The following MYO1D variants were observed in gnomAD, a reference collection of about 807,000 sequenced individuals.
The protein encoded by MYO1D is unconventional myosin-Id.
In MYO1D, 83 loss-of-function variants were observed where a neutral mutation model predicts 122.0. The ratio of observed to expected loss-of-function variants is 0.68; its 90% CI spans 0.57 to 0.82. MYO1D has a LOEUF of 0.82. MYO1D is among the 40% of genes least tolerant of loss of function. The pLI, the probability that MYO1D is intolerant of heterozygous loss-of-function variation, is 0.00. For synonymous variants in MYO1D, 464 were observed against 446.9 expected (o/e 1.04, Z -0.48); for missense variants, 1,157 against 1,269.5 (o/e 0.91, Z 1.35).
intron 21 of MYO1D, among the ~76,000 whole-genome samples, chr17:32,603,819 C>T (rs1026932241): frequency 2.0e-5 from 3 of 152,178 alleles, no homozygotes; most frequent in African/African-American, 4.8e-5. Context: ...GCCACTGCGC[C>T]TGGCCACATT....
chr17:32,728,306 C>T (rs1033998276), intron 14 of MYO1D, among the ~76,000 whole-genome samples: 1 of 151,634 alleles, frequency 6.6e-6, no homozygotes, highest in Non-Finnish European at 1.5e-5. Context: ...CCCGGGTTCA[C>T]GTGATTCTCC....
chr17:32,734,006 T>C (rs141824548), intron 14 of MYO1D, among the ~76,000 whole-genome samples: 6 of 152,344 alleles, frequency 3.9e-5, no homozygotes, highest in African/African-American at 1.4e-4. Flanking sequence ...TAAGGTAATA[T>C]TAATCTCATT....
intron 6 of MYO1D, 101 bp downstream of exon 6, chr17:32,771,024 T>G: frequency 1.3e-6 from 1 of 775,940 alleles, no homozygotes; most frequent in Non-Finnish European, 2.0e-6. Flanking sequence ...GAGATGTTTA[T>G]TTGCCTAAAG....
chr17:32,735,000 A>G (rs139687150), intron 14 of MYO1D: 2,998 of 151,270 alleles, frequency 0.02, 35 homozygotes, highest in Non-Finnish European at 0.032. Context: ...AATTGCTTGA[A>G]CCCAGGAGGC....
rs371362230 is a variant in MYO1D, at chr17:32,738,266, T to C, written c.1733A>G (p.Asn578Ser). Residue 578 changes from asparagine to serine, a missense_variant, in exon 14 of 22, where the codon AAC (asparagine) becomes AGC (serine). Transcript: ENST00000318217. Reference protein sequence around the residue: ...FKNSMIALVDNLASKEPYYVR... With the variant: ...FKNSMIALVDSLASKEPYYVR... ...GAAAATAATTACCTTTGATGCAAGG[T>C]TGTCTACTAGAGCAATCATAGAATT... 24 of 1,603,768 alleles carry C rather than the reference T, an allele frequency of 1.5e-5. No homozygotes were observed. The highest frequency in any genetic ancestry group is 2.3e-5 in the South Asian group (2 of 87,776).
At chr17:32,599,815 G>A (rs146693743) in intron 21 of MYO1D, among the ~76,000 whole-genome samples, 474 of 152,224 alleles carry the variant, frequency 3.1e-3, no homozygotes, top group African/African-American at 0.011. Flanking sequence ...ACCACGCCTG[G>A]CTAATTTTTG....
chr17:32,585,454 GCA>G (rs1273972945), intron 21 of MYO1D, among the ~76,000 whole-genome samples: 1 of 152,134 alleles, frequency 6.6e-6, no homozygotes, highest in Non-Finnish European at 1.5e-5. Context: ...GTCTGGCCAG[GCA>G]CAGTGGCTCA....
At chr17:32,676,497 G>A (rs977429942) in intron 16 of MYO1D, among the ~76,000 whole-genome samples, 2 of 151,880 alleles carry the variant, frequency 1.3e-5, no homozygotes, top group Non-Finnish European at 2.9e-5. Context: ...ATGGTTACTG[G>A]TTCAGGTCAA....
intron 1 of MYO1D, among the ~76,000 whole-genome samples, chr17:32,809,833 T>A (rs2090553876): frequency 6.6e-6 from 1 of 152,238 alleles, no homozygotes; most frequent in Admixed American, 6.5e-5. Flanking sequence ...TTTTGCATCA[T>A]CTTATTAGAA....
chr17:32,681,087 T>C (rs1442878468), intron 16 of MYO1D, among the ~76,000 whole-genome samples: 4 of 152,106 alleles, frequency 2.6e-5, no homozygotes, highest in African/African-American at 7.2e-5. Context: ...TCTGTGGGAT[T>C]GGTGGTGATA....
intron 1 of MYO1D, among the ~76,000 whole-genome samples, chr17:32,861,222 C>A (rs536186905): frequency 6.6e-6 from 1 of 152,176 alleles, no homozygotes; most frequent in Non-Finnish European, 1.5e-5. Context: ...CCCACCACCA[C>A]ACGCAGCTAA....
At chr17:32,863,138 A>G (rs1297834814) in intron 1 of MYO1D, 3 of 152,204 alleles carry the variant, frequency 2.0e-5, no homozygotes, top group African/African-American at 4.8e-5. Context: ...GCTGCCTACC[A>G]CAAGTCAACA....
chr17:32,658,966 G>T, intron 17 of MYO1D, 149 bp downstream of exon 17: 1 of 797,966 alleles, frequency 1.3e-6, no homozygotes, highest in Non-Finnish European at 1.9e-6. Context: ...CTCTTTGAAA[G>T]CCAAATCTAC....
intron 1 of MYO1D, among the ~76,000 whole-genome samples, 175 bp downstream of exon 1, chr17:32,876,603 C>T (rs954162813): frequency 8.5e-5 from 13 of 152,162 alleles, no homozygotes; most frequent in African/African-American, 3.1e-4. Context: ...GGGGCGTCCG[C>T]TCTCGGGAAA....
At chr17:32,528,297 G>T (rs1031185731) in intron 21 of MYO1D, among the ~76,000 whole-genome samples, 1 of 152,220 alleles carries the variant, frequency 6.6e-6, no homozygotes, top group Non-Finnish European at 1.5e-5. Flanking sequence ...AGAGCTGGTA[G>T]CAAGGCACTG....
At chr17:32,726,483 A>G (rs1313411726) in intron 14 of MYO1D, among the ~76,000 whole-genome samples, 1 of 151,174 alleles carries the variant, frequency 6.6e-6, no homozygotes, top group African/African-American at 2.4e-5. Flanking sequence ...GCAAAATAAA[A>G]CCATGATATA....
intron 16 of MYO1D, among the ~76,000 whole-genome samples, chr17:32,676,842 G>C (rs1023259876): frequency 2.7e-5 from 4 of 148,706 alleles, no homozygotes; most frequent in Non-Finnish European, 5.9e-5. Flanking sequence ...ACGGAGTCTT[G>C]CTCTGTCGCC....
intron 1 of MYO1D, among the ~76,000 whole-genome samples, chr17:32,824,835 G>A (rs2090707174): frequency 2.0e-5 from 3 of 152,188 alleles, no homozygotes; most frequent in Admixed American, 2.0e-4. Flanking sequence ...GCCTTCTCCC[G>A]CTCTTCCTCC....
intron 1 of MYO1D, among the ~76,000 whole-genome samples, chr17:32,814,957 T>C (rs2090601309): frequency 6.6e-6 from 1 of 152,220 alleles, no homozygotes; most frequent in African/African-American, 2.4e-5. Context: ...TGGCAGAGAA[T>C]GGAGAATCAC....
Sources: gnomAD v4.1 joint callset for allele counts (sites outside exome capture counted in the v4.1 genomes callset) on GRCh38, gnomAD v4.1.1 for gene constraint, MANE v1.5 for transcripts, NCBI Gene and HGNC (gene_info 2026-07-23, HGNC 2026-07-21) for gene names.